LOC400499: variants seen among roughly 807,000 people sequenced by gnomAD.
chr16:11,492,033 C>T, the LOC400499 span, among the ~76,000 whole-genome samples: 2 of 152,140 alleles, frequency 1.3e-5, no homozygotes, highest in African/African-American at 4.8e-5. Context: ...GGTTCACTGA[C>T]CTTGCCTAAT....
the LOC400499 span, chr16:11,398,251 C>G: frequency 1.8e-6 from 2 of 1,113,132 alleles, no homozygotes; most frequent in African/African-American, 1.6e-5. Context: ...GGCTGCCTCG[C>G]TCACACCCCT....
At chr16:11,453,011 A>G in the LOC400499 span, among the ~76,000 whole-genome samples, 65 of 151,988 alleles carry the variant, frequency 4.3e-4, no homozygotes, top group Non-Finnish European at 8.5e-4. Context: ...CACTTTCTCC[A>G]CTTTTATTCC....
chr16:11,490,809 G>C, the LOC400499 span, among the ~76,000 whole-genome samples: 1 of 152,240 alleles, frequency 6.6e-6, no homozygotes, highest in South Asian at 2.1e-4. Context: ...TGTATTACAA[G>C]TTCTGATGTA....
chr16:11,433,442 G>C, the LOC400499 span, among the ~76,000 whole-genome samples: 1 of 152,204 alleles, frequency 6.6e-6, no homozygotes, highest in Middle Eastern at 3.2e-3. Flanking sequence ...ATTTGTACCA[G>C]AATGTGCAGT....
the LOC400499 span, chr16:11,471,761 G>T: frequency 2.5e-6 from 1 of 399,100 alleles, no homozygotes; most frequent in Admixed American, 4.4e-5. Context: ...AGGTAGGGCT[G>T]GCCAGGCACC....
the LOC400499 span, among the ~76,000 whole-genome samples, chr16:11,500,324 A>G: frequency 6.6e-6 from 1 of 152,046 alleles, no homozygotes; most frequent in Non-Finnish European, 1.5e-5. Context: ...CCTGGCCAAC[A>G]TGGCGAAACC....
chr16:11,494,263 G>A, the LOC400499 span, among the ~76,000 whole-genome samples: 1 of 150,926 alleles, frequency 6.6e-6, no homozygotes, highest in African/African-American at 2.4e-5. Context: ...CCACGCTCCA[G>A]ACCCCGCGGG....
the LOC400499 span, among the ~76,000 whole-genome samples, chr16:11,459,487 C>T: frequency 2.0e-5 from 3 of 152,244 alleles, no homozygotes; most frequent in South Asian, 4.1e-4. Context: ...TGAGCCACTG[C>T]GCCCGGCCCC....
At chr16:11,480,891 A>G in the LOC400499 span, among the ~76,000 whole-genome samples, 1 of 152,250 alleles carries the variant, frequency 6.6e-6, no homozygotes, top group Non-Finnish European at 1.5e-5. Flanking sequence ...AACCAAAGTC[A>G]GACACAAAAA....
chr16:11,415,819 C>T, the LOC400499 span, among the ~76,000 whole-genome samples: 2 of 152,024 alleles, frequency 1.3e-5, no homozygotes, highest in Non-Finnish European at 2.9e-5. Flanking sequence ...AATGGCCTCC[C>T]CTCACTTGAC....
At chr16:11,524,811 G>A in the LOC400499 span, among the ~76,000 whole-genome samples, 10 of 148,952 alleles carry the variant, frequency 6.7e-5, no homozygotes, top group Non-Finnish European at 1.3e-4. Flanking sequence ...TCCCCTTCCT[G>A]CCAGCCACTT....
the LOC400499 span, chr16:11,399,143 A>T: frequency 2.3e-6 from 2 of 888,660 alleles, no homozygotes. Flanking sequence ...GGAGGAGACC[A>T]GACCTGATGC....
the LOC400499 span, among the ~76,000 whole-genome samples, chr16:11,403,759 T>C: frequency 6.6e-6 from 1 of 152,232 alleles, no homozygotes; most frequent in Non-Finnish European, 1.5e-5. Context: ...CTTCCAGGGA[T>C]GCCTGTTTCT....
the LOC400499 span, among the ~76,000 whole-genome samples, chr16:11,411,889 G>C: frequency 6.6e-6 from 1 of 150,432 alleles, no homozygotes; most frequent in Admixed American, 6.6e-5. Context: ...TAGAGACAGG[G>C]TCTTTCTCTG....
At chr16:11,488,981 C>T in the LOC400499 span, 8 of 396,340 alleles carry the variant, frequency 2.0e-5, no homozygotes, top group South Asian at 2.8e-4. Context: ...TTCCCACGCA[C>T]GGGGGCTTCT....
At chr16:11,514,579 C>G in the LOC400499 span, 1 of 399,932 alleles carries the variant, frequency 2.5e-6, no homozygotes, top group Non-Finnish European at 4.4e-6. Flanking sequence ...AGGCCAGGAT[C>G]TAGCCATCCA....
chr16:11,472,494 CT>C, the LOC400499 span: 1 of 152,206 alleles, frequency 6.6e-6, no homozygotes, highest in African/African-American at 2.4e-5. Flanking sequence ...TGCCCAGCCC[CT>C]GGTAGACTTT....
the LOC400499 span, among the ~76,000 whole-genome samples, chr16:11,400,622 G>A: frequency 6.6e-6 from 1 of 151,988 alleles, no homozygotes; most frequent in Non-Finnish European, 1.5e-5. Context: ...TATATTTTTA[G>A]TAGAGACAGG....
chr16:11,428,845 C>A, the LOC400499 span, among the ~76,000 whole-genome samples: 1 of 151,568 alleles, frequency 6.6e-6, no homozygotes, highest in Admixed American at 6.6e-5. Context: ...ACACAAAATG[C>A]GAACAATTAT....
Sources: gnomAD v4.1 joint callset for allele counts (sites outside exome capture counted in the v4.1 genomes callset) on GRCh38, gnomAD v4.1.1 for gene constraint, MANE v1.5 for transcripts.